The following C17orf50 variants were observed in gnomAD, a reference collection of about 807,000 sequenced individuals.
C17orf50 encodes the protein plakoglobin binding and degradation factor.
C17orf50 carries 16 observed loss-of-function variants against 17.7 expected under a neutral mutation model. The ratio of observed to expected loss-of-function variants is 0.90; its 90% CI spans 0.61 to 1.37. C17orf50 has a LOEUF of 1.37. Ranked by LOEUF, C17orf50 falls within the 40% of genes most tolerant of loss-of-function variation. C17orf50 has a pLI of 0.00. For synonymous variants in C17orf50, 125 were observed against 111.0 expected (o/e 1.13, Z -0.80); for missense variants, 271 against 240.7 (o/e 1.13, Z -0.83).
intron 1 of C17orf50, 127 bp downstream of exon 1, chr17:35,761,081 C>T: frequency 2.2e-6 from 2 of 926,896 alleles, no homozygotes; most frequent in African/African-American, 1.7e-5. Context: ...TGCAAGCCCT[C>T]TCCTTTCGCC....
In C17orf50 at chr17:35,760,936, G is replaced by A. The variant is rs2085804341; in HGVS notation, c.-6G>A. On this transcript the variant is annotated 5_prime_UTR_variant, in exon 1 of 3. Transcript: ENST00000605587. ...TCAGGGAAAGCAGGGCACAGCCTTG[G>A]GAAGAATGGATAAGCATGGTGAGTG... is the stretch of plus-strand genomic sequence containing the variant. 1 of 1,613,686 alleles carries A rather than the reference G, an allele frequency of 6.2e-7. No individual in the cohort carries two copies. The highest frequency in any genetic ancestry group is 1.3e-5 in the African/African-American group (1 of 74,884).
At chr17:35,763,252 T>C (rs1179391022) in intron 1 of C17orf50, among the ~76,000 whole-genome samples, 1 of 151,682 alleles carries the variant, frequency 6.6e-6, no homozygotes, top group South Asian at 2.1e-4. Context: ...CTGGACAACA[T>C]AGTGAGACCC....
chr17:35,761,419 GT>G (rs113571513), intron 1 of C17orf50, among the ~76,000 whole-genome samples: 163 of 126,292 alleles, frequency 1.3e-3, no homozygotes, highest in Middle Eastern at 0.012. Flanking sequence ...CCTGTTTTTT[GT>G]TTTTTTTTTT....
chr17:35,762,330 T>C (rs1440494099), intron 1 of C17orf50, among the ~76,000 whole-genome samples: 5 of 152,066 alleles, frequency 3.3e-5, no homozygotes, highest in Non-Finnish European at 7.4e-5. Context: ...ACTCCACGAG[T>C]TGTGTCTTCC....
rs1375125466 is a variant in C17orf50 at position 35,762,126 on chromosome 17, G to A, written c.13+1172G>A. Among the ~76,000 whole-genome samples the A allele has an allele frequency of 2.0e-5, 3 of 152,104 alleles. No individual in the cohort carries two copies. In the East Asian group the frequency reaches 5.8e-4, roughly 29 times the overall value. On this transcript the variant is annotated intron_variant, in intron 1 of 2. Coordinates refer to ENST00000605587, the MANE Select transcript of C17orf50 (RefSeq NM_145272.4). ...CTGCCTCAGCCTCCTGAATAGCTGG[G>A]ATTACAGGCATGCACTGCCACGCCC...
chr17:35,762,747 G>A (rs1417290624), intron 1 of C17orf50, among the ~76,000 whole-genome samples: 1 of 152,132 alleles, frequency 6.6e-6, no homozygotes, highest in Non-Finnish European at 1.5e-5. Flanking sequence ...CAGCGGAGAT[G>A]CTGGGCTTCC....
intron 1 of C17orf50, among the ~76,000 whole-genome samples, chr17:35,761,725 A>G (rs1474256023): frequency 6.6e-6 from 1 of 152,186 alleles, no homozygotes; most frequent in Non-Finnish European, 1.5e-5. Context: ...AGCTTGGAAC[A>G]CGTCCCTCTA....
chr17:35,764,745 C>G lies in C17orf50; in HGVS notation c.*127C>G, dbSNP rs1360759554. On this transcript the variant is annotated 3_prime_UTR_variant, in exon 3 of 3. Transcript: ENST00000605587. Reference sequence around the variant, plus strand: ...CAGGACCGCCCCTTCTCAGCTGCTGCCCAGAGCGCCCCCATCCGTCAAGAA... The same window carrying G: ...CAGGACCGCCCCTTCTCAGCTGCTGGCCAGAGCGCCCCCATCCGTCAAGAA... 3 of 1,047,598 alleles carry G rather than the reference C, an allele frequency of 2.9e-6. No homozygotes were observed. The highest frequency in any genetic ancestry group is 7.4e-5 in the Admixed American group (2 of 27,082). The allele number at this position is 1,047,598 out of a possible 1,614,324, so 64.9% of individuals were successfully genotyped here.
rs1415240890 is a variant in C17orf50 at position 35,763,230 on chromosome 17, TCA to T, written c.14-776_14-775del. Among the ~76,000 whole-genome samples, 8 of 151,678 alleles carry T rather than the reference TCA, an allele frequency of 5.3e-5. No individual in the cohort carries two copies. The East Asian group carries it at 1.6e-3, about 30-fold the overall frequency. ...AGGAGGGCTGCTTGAAGCCAGGAGT[TCA>T]GAGACCAGCCTGGACAACATAGTGA... On this transcript the variant is annotated intron_variant, in intron 1 of 2. Transcript: ENST00000605587.
At chr17:35,763,824 G>A (rs1420906320) in intron 1 of C17orf50, among the ~76,000 whole-genome samples, 183 bp from the exon 2 acceptor site, 2 of 151,906 alleles carry the variant, frequency 1.3e-5, no homozygotes, top group African/African-American at 4.8e-5. Flanking sequence ...TTGAGCCCGT[G>A]AGGCGGAGGT....
intron 1 of C17orf50, among the ~76,000 whole-genome samples, chr17:35,762,587 G>A (rs765653606): frequency 1.3e-5 from 2 of 152,138 alleles, no homozygotes; most frequent in Non-Finnish European, 2.9e-5. Flanking sequence ...GGAAGAAGGA[G>A]GAAGCGTCTT....
Position 35,764,678 on chromosome 17 carries a change from A to T in C17orf50, c.*60A>T. 1.3e-6 allele frequency: 2 copies of T among 1,488,704 alleles called. No homozygotes were observed. The highest frequency in any genetic ancestry group is 1.8e-6 in the Non-Finnish European group (2 of 1,123,322). 92.2% of individuals were successfully genotyped at this position (1,488,704 alleles called of 1,614,324 possible). ...TTTCCTGGCCCCAGACCCCCTACCG[A>T]CCTTCTCTCTTGGAGCGCGGAGCCC... On this transcript the variant is annotated 3_prime_UTR_variant, in exon 3 of 3. Coordinates refer to ENST00000605587, the MANE Select transcript of C17orf50 (RefSeq NM_145272.4).
chr17:35,763,897 AAAATAAATAAATAAAT>A lies in C17orf50; in HGVS notation c.14-84_14-69del, dbSNP rs35027942. 313 of 654,374 alleles carry A rather than the reference AAAATAAATAAATAAAT, an allele frequency of 4.8e-4. 24 individuals are homozygous for A. Among genetic ancestry groups the A allele is most frequent in the Middle Eastern group, 3.4e-3 (6 of 1,786 alleles). The allele number at this position is 654,374 out of a possible 1,614,324, so 40.5% of individuals were successfully genotyped here. On this transcript the variant is annotated intron_variant, in intron 1 of 2. Transcript: ENST00000605587. ...GAGCTACAGAGAGAGACCCTGTCTC[AAAATAAATAAATAAAT>A]AAATAAATAAATAAATAAATAAATA...
chr17:35,764,645 C>A lies in C17orf50; in HGVS notation c.*27C>A. 6.5e-7 allele frequency: 1 copy of A among 1,544,522 alleles called. No individual in the cohort carries two copies. Among genetic ancestry groups the A allele is most frequent in the South Asian group, 1.2e-5 (1 of 81,428 alleles). The stretch of plus-strand genomic sequence containing the variant: ...CGCCCCCGCTCCCAGCCTTTGTGCC[C>A]TCCATCATTTCCTGGCCCCAGACCC... On this transcript the variant is annotated 3_prime_UTR_variant, in exon 3 of 3. Coordinates refer to ENST00000605587, the MANE Select transcript of C17orf50 (RefSeq NM_145272.4).
chr17:35,763,892 G>T (rs2085874828), intron 1 of C17orf50, 115 bp from the exon 2 acceptor site: 1 of 547,966 alleles, frequency 1.8e-6, no homozygotes. Flanking sequence ...GAGAGACCCT[G>T]TCTCAAAATA....
In C17orf50 at chr17:35,764,056, G is replaced by A. The variant is rs1555602084; in HGVS notation, c.63G>A (p.Glu21=). ...WKKETEELRA[E]DAEQEEGKEG... ...AGGAAACGGAAGAGCTCCGGGCCGA[G>A]GACGCGGAGCAAGAGGAAGGGAAGG... Residue 21 remains glutamate, a synonymous_variant, in exon 2 of 3, where the codon GAG becomes GAA. Transcript: ENST00000605587. The A allele has an allele frequency of 1.3e-6, 2 of 1,549,794 alleles. No homozygotes were observed. The highest frequency in any genetic ancestry group is 1.7e-6 in the Non-Finnish European group (2 of 1,146,484).
rs1555602580 is a variant in C17orf50 at position 35,765,048 on chromosome 17, A to T, written c.*430A>T. ...TGACAAACCTGCCTCTTTCCCTGAA[A>T]CCATTCAATAAAACCTCTGATCAAA... is the stretch of plus-strand genomic sequence containing the variant. On this transcript the variant is annotated 3_prime_UTR_variant, in exon 3 of 3. Coordinates refer to ENST00000605587, the MANE Select transcript of C17orf50 (RefSeq NM_145272.4). The T allele has an allele frequency of 1.3e-5, 2 of 152,926 alleles. No homozygotes were observed. Among genetic ancestry groups the T allele is most frequent in the Admixed American group, 1.3e-4 (2 of 15,302 alleles). 9.5% of individuals were successfully genotyped at this position (152,926 alleles called of 1,614,324 possible).
chr17:35,761,097 GA>G, intron 1 of C17orf50, 143 bp downstream of exon 1: 6 of 608,874 alleles, frequency 9.9e-6, no homozygotes, highest in African/African-American at 4.3e-5. Context: ...TCGCCTTCCT[GA>G]ATTTTTTTTT....
At chr17:35,763,312 T>C (rs1324940714) in intron 1 of C17orf50, among the ~76,000 whole-genome samples, 1 of 151,882 alleles carries the variant, frequency 6.6e-6, no homozygotes, top group African/African-American at 2.4e-5. Flanking sequence ...GGTCTCACTC[T>C]GTCACCTAGG....
Sources: allele counts gnomAD v4.1 joint callset (sites outside exome capture counted in the v4.1 genomes callset), GRCh38; gene constraint gnomAD v4.1.1; transcripts MANE v1.5; gene names NCBI Gene and HGNC (gene_info 2026-07-23, HGNC 2026-07-21).